The following PRKD1 variants were observed in gnomAD, a reference collection of about 807,000 sequenced individuals.
PRKD1 encodes serine/threonine-protein kinase D1.
A neutral mutation model predicts 95.9 loss-of-function variants in PRKD1; 63 were observed. The ratio of observed to expected loss-of-function variants is 0.66; its 90% CI spans 0.54 to 0.81. The LOEUF (loss-of-function observed/expected upper bound fraction) is 0.81. Among genes scored for constraint, PRKD1 ranks in the 30% least tolerant of loss-of-function variants. The probability of loss-of-function intolerance (pLI) is 0.00; values close to 1 mark genes in which losing one functional copy is unlikely to be tolerated. For synonymous variants in PRKD1, 425 were observed against 423.1 expected, an observed-to-expected ratio of 1.00 and a Z score of -0.05; for missense variants, 1,048 against 1,165.3, an observed-to-expected ratio of 0.90 and a Z score of 1.47.
chr14:29,775,503 C>T (rs75601328), intron 1 of PRKD1, among the ~76,000 whole-genome samples: 1 of 152,198 alleles, frequency 6.6e-6, no homozygotes, highest in Admixed American at 6.5e-5. Context: ...GATTATATCC[C>T]ACGCCTGGCT....
At chr14:29,915,203 TG>T (rs1894851392) in intron 1 of PRKD1, among the ~76,000 whole-genome samples, 1 of 152,200 alleles carries the variant, frequency 6.6e-6, no homozygotes, top group African/African-American at 2.4e-5. Flanking sequence ...CAACACTTGG[TG>T]GCCACATCTT....
At chr14:29,885,474 TTACTCTGTACTTAA>T (rs2139403007) in intron 1 of PRKD1, among the ~76,000 whole-genome samples, 1 of 152,176 alleles carries the variant, frequency 6.6e-6, no homozygotes, top group African/African-American at 2.4e-5. Flanking sequence ...AAACTCCCAT[TTACTCTGTACTTAA>T]AAGTACATGT....
chr14:29,576,958 G>A lies in PRKD1; in HGVS notation c.*280C>T. 2.3e-6 allele frequency: 1 copy of A among 440,274 alleles called. No homozygotes were observed. The highest frequency in any genetic ancestry group is 2.5e-5 in the South Asian group (1 of 40,006). The allele number at this position is 440,274 out of a possible 1,614,324, so 27.3% of individuals were successfully genotyped here. A position where few individuals can be genotyped will look rare whatever the true frequency, so the allele number is the denominator to read the frequency against. The stretch of plus-strand genomic sequence containing the variant: ...AAAAACACTGATTTGCAAAGGCACA[G>A]TGGAGACAGGTTTAATGCATTAAAT... On this transcript the variant is annotated 3_prime_UTR_variant, in exon 18 of 18. Coordinates refer to ENST00000331968, the MANE Select transcript of PRKD1 (RefSeq NM_002742.3).
chr14:29,670,613 T>G (rs191435979), intron 2 of PRKD1, among the ~76,000 whole-genome samples: 4 of 152,334 alleles, frequency 2.6e-5, no homozygotes, highest in Admixed American at 2.0e-4. Flanking sequence ...AACTGAGAGA[T>G]GACAACAGAT....
chr14:29,703,812 G>A (rs1566549627), intron 2 of PRKD1, among the ~76,000 whole-genome samples: 1 of 152,100 alleles, frequency 6.6e-6, no homozygotes, highest in Non-Finnish European at 1.5e-5. Flanking sequence ...AAAGGTCCAG[G>A]CTCAAGGGAT....
intron 1 of PRKD1, among the ~76,000 whole-genome samples, chr14:29,902,842 AT>A (rs1894364035): frequency 1.4e-3 from 2 of 1,424 alleles, no homozygotes; most frequent in Admixed American, 0.013. Context: ...AAAAGGAAAA[AT>A]AAAAAAAAAA....
At chr14:29,761,197 C>G (rs1402101257) in intron 1 of PRKD1, among the ~76,000 whole-genome samples, 1 of 152,166 alleles carries the variant, frequency 6.6e-6, no homozygotes, top group Non-Finnish European at 1.5e-5. Flanking sequence ...TCCTTGCCCC[C>G]TTAAGTATAT....
intron 1 of PRKD1, among the ~76,000 whole-genome samples, chr14:29,872,444 C>T (rs1566647794): frequency 6.6e-6 from 1 of 151,870 alleles, no homozygotes; most frequent in South Asian, 2.1e-4. Context: ...GGGTGGATCA[C>T]GAGTCAGGAC....
chr14:29,800,054 T>A (rs182708634), intron 1 of PRKD1, among the ~76,000 whole-genome samples: 415 of 152,232 alleles, frequency 2.7e-3, no homozygotes, highest in Admixed American at 8.4e-3. Context: ...TTAGATAAAC[T>A]CAGTTCAGGC....
intron 1 of PRKD1, among the ~76,000 whole-genome samples, chr14:29,741,152 G>A (rs1395222734): frequency 6.6e-6 from 1 of 152,088 alleles, no homozygotes; most frequent in Non-Finnish European, 1.5e-5. Context: ...AAAAAATAAC[G>A]ATTAGGTACT....
intron 13 of PRKD1, among the ~76,000 whole-genome samples, chr14:29,619,033 A>T (rs1214153990): frequency 1.3e-5 from 2 of 152,226 alleles, no homozygotes; most frequent in Non-Finnish European, 2.9e-5. Flanking sequence ...AGCTTCTATA[A>T]GCTAGAGGAC....
At chr14:29,762,817 C>T (rs1221731474) in intron 1 of PRKD1, among the ~76,000 whole-genome samples, 1 of 151,658 alleles carries the variant, frequency 6.6e-6, no homozygotes, top group Non-Finnish European at 1.5e-5. Context: ...AATTTCAGCT[C>T]ATTGCAACCT....
intron 2 of PRKD1, among the ~76,000 whole-genome samples, chr14:29,714,947 C>G (rs190740015): frequency 3.3e-5 from 5 of 151,814 alleles, no homozygotes; most frequent in African/African-American, 1.2e-4. Flanking sequence ...AATCACACAC[C>G]GGGGCCCGTT....
chr14:29,611,534 C>A (rs1480751296), intron 13 of PRKD1, among the ~76,000 whole-genome samples: 1 of 151,818 alleles, frequency 6.6e-6, no homozygotes, highest in African/African-American at 2.4e-5. Flanking sequence ...ATCCCAGTAC[C>A]CACCTTCTAA....
chr14:29,584,654 G>T (rs1319415425), intron 16 of PRKD1, among the ~76,000 whole-genome samples: 1 of 152,084 alleles, frequency 6.6e-6, no homozygotes. Context: ...AAATAGAAAT[G>T]TAAATCGCCA....
chr14:29,900,016 C>T (rs1014625834), intron 1 of PRKD1, among the ~76,000 whole-genome samples: 1 of 152,224 alleles, frequency 6.6e-6, no homozygotes, highest in Non-Finnish European at 1.5e-5. Context: ...AAGGTGCTTG[C>T]TTCTCCTTCA....
At chr14:29,911,179 T>C (rs191397585) in intron 1 of PRKD1, among the ~76,000 whole-genome samples, 1 of 152,234 alleles carries the variant, frequency 6.6e-6, no homozygotes, top group African/African-American at 2.4e-5. Context: ...TAAGAACATA[T>C]AAAGGTTTAT....
chr14:29,639,957 A>G (rs1415118213), intron 4 of PRKD1, among the ~76,000 whole-genome samples: 3 of 152,192 alleles, frequency 2.0e-5, no homozygotes, highest in African/African-American at 7.2e-5. Flanking sequence ...AGTACCTTTG[A>G]TATCCTGGGA....
chr14:29,676,531 T>C (rs922027499), intron 2 of PRKD1, among the ~76,000 whole-genome samples: 1 of 152,162 alleles, frequency 6.6e-6, no homozygotes, highest in Non-Finnish European at 1.5e-5. Flanking sequence ...ATTTTTGTAT[T>C]TTTAGTAGAG....
Sources: gnomAD v4.1 joint callset for allele counts (sites outside exome capture counted in the v4.1 genomes callset) on GRCh38, gnomAD v4.1.1 for gene constraint, MANE v1.5 for transcripts, NCBI Gene and HGNC (gene_info 2026-07-23, HGNC 2026-07-21) for gene names.